STPG2: variants seen among roughly 807,000 people sequenced by gnomAD.
STPG2 encodes sperm-tail PG-rich repeat-containing protein 2.
In STPG2, 56 loss-of-function variants were observed where a neutral mutation model predicts 54.2. That is an observed-to-expected ratio of 1.03 (90% CI 0.83 to 1.29). The LOEUF (loss-of-function observed/expected upper bound fraction) is 1.29. Among genes scored for constraint, STPG2 ranks in the 50% most tolerant of loss-of-function variants. STPG2 has a pLI of 0.00. For missense variants in STPG2, 596 were observed against 544.9 expected, an observed-to-expected ratio of 1.09 and a Z score of -0.93; for synonymous variants, 200 against 181.8, an observed-to-expected ratio of 1.10 and a Z score of -0.81.
intron 4 of STPG2, among the ~76,000 whole-genome samples, chr4:97,530,050 T>C (rs908245621): frequency 6.6e-6 from 1 of 152,146 alleles, no homozygotes; most frequent in African/African-American, 2.4e-5. Context: ...GTGAAATAAA[T>C]CTCCAAATTA....
chr4:97,636,049 C>T (rs1721508312), intron 10 of STPG2, among the ~76,000 whole-genome samples: 1 of 152,062 alleles, frequency 6.6e-6, no homozygotes, highest in South Asian at 2.1e-4. Flanking sequence ...TTTTTTTCAG[C>T]ACCACATCAC....
At chr4:97,531,391 G>T (rs1285072137) in intron 4 of STPG2, among the ~76,000 whole-genome samples, 2 of 152,176 alleles carry the variant, frequency 1.3e-5, no homozygotes, top group Non-Finnish European at 2.9e-5. Context: ...GTACACTGAA[G>T]AGATATATCT....
chr4:97,470,861 G>A (rs1246262322), intron 4 of STPG2, among the ~76,000 whole-genome samples: 6 of 152,046 alleles, frequency 3.9e-5, no homozygotes, highest in African/African-American at 1.4e-4. Flanking sequence ...GATGAAGTGA[G>A]GTGAATGACA....
At chr4:97,923,301 C>T (rs1732188609) in intron 8 of STPG2, among the ~76,000 whole-genome samples, 1 of 77,512 alleles carries the variant, frequency 1.3e-5, no homozygotes, top group African/African-American at 4.6e-5. Flanking sequence ...CTTCCCCTCC[C>T]ACCCCCCCCG....
chr4:97,498,953 C>T (rs548405961), intron 4 of STPG2, among the ~76,000 whole-genome samples: 6 of 152,040 alleles, frequency 3.9e-5, no homozygotes, highest in East Asian at 1.9e-4. Flanking sequence ...AGCACCATCA[C>T]GCCTTGCCCC....
chr4:97,951,239 A>C (rs1276912341), intron 7 of STPG2, among the ~76,000 whole-genome samples: 2 of 152,008 alleles, frequency 1.3e-5, no homozygotes, highest in Admixed American at 6.6e-5. Flanking sequence ...AGTAATAATA[A>C]AACTCTGGTC....
At chr4:97,937,076 T>G (rs926177151) in intron 8 of STPG2, among the ~76,000 whole-genome samples, 2 of 152,138 alleles carry the variant, frequency 1.3e-5, no homozygotes, top group Non-Finnish European at 2.9e-5. Flanking sequence ...TGTTTGTTCC[T>G]TTTAATTCTT....
chr4:97,842,891 C>A (rs556483940), intron 8 of STPG2, among the ~76,000 whole-genome samples: 1 of 151,972 alleles, frequency 6.6e-6, no homozygotes, highest in South Asian at 2.1e-4. Flanking sequence ...CCTCTTCCTA[C>A]TCATCTTAAA....
intron 10 of STPG2, among the ~76,000 whole-genome samples, chr4:97,562,451 T>G (rs1052217629): frequency 9.2e-5 from 14 of 152,190 alleles, no homozygotes; most frequent in Admixed American, 8.5e-4. Flanking sequence ...CCTGCCTAAT[T>G]GCCCTGGCCA....
At chr4:97,527,850 GT>G (rs1252004623) in intron 4 of STPG2, among the ~76,000 whole-genome samples, 2 of 151,330 alleles carry the variant, frequency 1.3e-5, no homozygotes, top group Admixed American at 1.3e-4. Flanking sequence ...GGGGTTGTTT[GT>G]TTTTTTCTTG....
chr4:98,110,837 G>T (rs1739326984), intron 3 of STPG2, among the ~76,000 whole-genome samples: 1 of 151,994 alleles, frequency 6.6e-6, no homozygotes, highest in Non-Finnish European at 1.5e-5. Flanking sequence ...CTATTCTACA[G>T]CAGTGGAACC....
At chr4:97,506,754 C>T (rs918231414) in intron 4 of STPG2, among the ~76,000 whole-genome samples, 1 of 151,466 alleles carries the variant, frequency 6.6e-6, no homozygotes, top group Non-Finnish European at 1.5e-5. Flanking sequence ...ATCTGTAAAT[C>T]ACTAACAAAG....
At position 98,092,355 on chromosome 4, in the gene STPG2, A is replaced by G. The variant is rs890650463; in HGVS notation, c.612+13598T>C. On this transcript the variant is annotated intron_variant, in intron 5 of 10. Coordinates refer to ENST00000295268, the MANE Select transcript of STPG2 (RefSeq NM_174952.3). Reference sequence around the variant, plus strand: ...GAACAACTAATTTAGGTTTGGGGGGAAAAGCGTGTTTAATTATGTGCAAGT... The same window carrying G: ...GAACAACTAATTTAGGTTTGGGGGGGAAAGCGTGTTTAATTATGTGCAAGT... Among the ~76,000 whole-genome samples the G allele has an allele frequency of 1.4e-4, 21 of 152,020 alleles. 1 individual carries two copies. The South Asian group carries it at 2.3e-3, about 16-fold the overall frequency.
rs566493760 is a variant in STPG2 at position 97,968,622 on chromosome 4, C to T, written c.933+3658G>A. Among the ~76,000 whole-genome samples the T allele has an allele frequency of 7.9e-5, 12 of 152,246 alleles. No individual in the cohort carries two copies. In the East Asian group the frequency reaches 1.9e-3, roughly 24 times the overall value. On this transcript the variant is annotated intron_variant, in intron 7 of 10. Coordinates refer to ENST00000295268, the MANE Select transcript of STPG2 (RefSeq NM_174952.3). The stretch of plus-strand genomic sequence containing the variant: ...TTGGCTTCATCCCTGAGATGCAAGG[C>T]TGGTTCAACATATGCAAATCAGTAA...
chr4:97,673,539 G>T (rs1027928561), intron 10 of STPG2, among the ~76,000 whole-genome samples: 6 of 152,164 alleles, frequency 3.9e-5, no homozygotes, highest in African/African-American at 1.4e-4. Flanking sequence ...TATTCACTCA[G>T]GGCTTGTCTT....
At position 97,785,090 on chromosome 4, in the gene STPG2, A is replaced by G. The variant is rs1322535293; in HGVS notation, c.1204+55683T>C. On this transcript the variant is annotated intron_variant, in intron 9 of 10. Transcript: ENST00000295268. ...TTTCTGTACCTTGCCTAGATAACAAAAATATATATCTTTTAAAATAAAAGC... is the reference window on the plus strand; with the variant it reads ...TTTCTGTACCTTGCCTAGATAACAAGAATATATATCTTTTAAAATAAAAGC... Among the ~76,000 whole-genome samples, 5 of 152,196 alleles carry G rather than the reference A, an allele frequency of 3.3e-5. No homozygotes were observed. The East Asian group carries it at 9.6e-4, about 29-fold the overall frequency.
intron 10 of STPG2, among the ~76,000 whole-genome samples, chr4:97,696,064 A>G (rs1723562055): frequency 6.6e-6 from 1 of 152,162 alleles, no homozygotes; most frequent in African/African-American, 2.4e-5. Context: ...CCAAAGCAAG[A>G]CTAAGCAAAA....
At chr4:97,739,425 G>T (rs1725140863) in intron 9 of STPG2, among the ~76,000 whole-genome samples, 1 of 152,092 alleles carries the variant, frequency 6.6e-6, no homozygotes, top group African/African-American at 2.4e-5. Flanking sequence ...GAATCCAGGA[G>T]CTGGTTTTTT....
rs148357035 is a variant in STPG2, at chr4:97,673,484, T to C, written c.1320+39215A>G. On this transcript the variant is annotated intron_variant, in intron 10 of 10. Coordinates refer to ENST00000295268, the MANE Select transcript of STPG2 (RefSeq NM_174952.3). ...ATTTAACAAATATTTTAGTAACCAATGTATAAGTATTTGTTGACCTTTTCT... is the reference window on the plus strand; with the variant it reads ...ATTTAACAAATATTTTAGTAACCAACGTATAAGTATTTGTTGACCTTTTCT... Among the ~76,000 whole-genome samples, 1,035 of 152,296 alleles carry C rather than the reference T, an allele frequency of 6.8e-3. 26 individuals are homozygous for C. The highest frequency in any genetic ancestry group is 0.058 in the Middle Eastern group (17 of 294).
Sources: allele counts gnomAD v4.1 joint callset (sites outside exome capture counted in the v4.1 genomes callset), GRCh38; gene constraint gnomAD v4.1.1; transcripts MANE v1.5; gene names NCBI Gene and HGNC (gene_info 2026-07-23, HGNC 2026-07-21).